Variants in ZFHX3 observed in about 807,000 individuals in gnomAD.
The protein encoded by ZFHX3 is zinc finger homeobox protein 3.
ZFHX3 carries 42 observed loss-of-function variants against 279.1 expected under a neutral mutation model. The observed-to-expected ratio is 0.15, with a 90% CI of 0.12 to 0.19. The LOEUF is 0.19. Ranked by LOEUF, ZFHX3 falls within the 10% of genes least tolerant of loss-of-function variation. ZFHX3 has a pLI of 1.00. For missense variants in ZFHX3, 4,981 were observed against 4,754.0 expected, an observed-to-expected ratio of 1.05 and a Z score of -1.40; for synonymous variants, 2,293 against 1,957.8, an observed-to-expected ratio of 1.17 and a Z score of -4.52.
At chr16:73,344,902 T>A (rs1175628438) in intron 3 of ZFHX3, among the ~76,000 whole-genome samples, 1 of 152,214 alleles carries the variant, frequency 6.6e-6, no homozygotes, top group East Asian at 1.9e-4. Flanking sequence ...CACAGATCTT[T>A]GAGAGTGGGC....
At chr16:73,105,384 C>CACACACACATATATATATATAT (rs1567389794) in intron 7 of ZFHX3, among the ~76,000 whole-genome samples, 1 of 43,134 alleles carries the variant, frequency 2.3e-5, no homozygotes, top group African/African-American at 6.3e-5. Flanking sequence ...TATATATATA[C>CACACACACATATATATATATAT]ACACACACAC....
At chr16:72,887,377 T>C (rs780411094) in intron 4 of ZFHX3, among the ~76,000 whole-genome samples, 5 of 152,124 alleles carry the variant, frequency 3.3e-5, no homozygotes, top group Non-Finnish European at 7.4e-5. Context: ...TACAAGAAGG[T>C]AAATGAAATT....
At chr16:73,416,829 G>C (rs8048406) in intron 3 of ZFHX3, among the ~76,000 whole-genome samples, 11,106 of 150,338 alleles carry the variant, frequency 0.074, 1,036 homozygotes, top group East Asian at 0.32. Context: ...AGCCGAGATC[G>C]CGCCACTGCA....
chr16:73,878,926 T>A (rs2030044545), intron 1 of ZFHX3, among the ~76,000 whole-genome samples: 2 of 135,702 alleles, frequency 1.5e-5, no homozygotes, highest in South Asian at 4.6e-4. Flanking sequence ...TCCTTCACTG[T>A]TCAAAAAAGA....
chr16:73,570,307 T>C (rs900051855), intron 2 of ZFHX3, among the ~76,000 whole-genome samples: 4 of 152,212 alleles, frequency 2.6e-5, no homozygotes, highest in African/African-American at 9.6e-5. Flanking sequence ...GCAACTTTCA[T>C]CTGAAGTTAA....
intron 1 of ZFHX3, among the ~76,000 whole-genome samples, chr16:73,861,078 C>T (rs945737212): frequency 3.9e-5 from 6 of 151,988 alleles, no homozygotes; most frequent in African/African-American, 1.4e-4. Flanking sequence ...ATTCGCCCAC[C>T]TCAGCCTCCT....
chr16:73,229,236 C>G (rs923092362), intron 5 of ZFHX3, among the ~76,000 whole-genome samples: 2 of 152,184 alleles, frequency 1.3e-5, no homozygotes, highest in African/African-American at 4.8e-5. Context: ...CTGTCTTAAA[C>G]AGAAATATGA....
intron 2 of ZFHX3, among the ~76,000 whole-genome samples, chr16:73,562,394 G>T (rs1198829785): frequency 1.3e-5 from 2 of 152,078 alleles, no homozygotes; most frequent in African/African-American, 4.8e-5. Context: ...AGGAGATCGA[G>T]ACCATCCTGG....
At chr16:73,526,198 G>A (rs2019691065) in intron 2 of ZFHX3, among the ~76,000 whole-genome samples, 1 of 152,232 alleles carries the variant, frequency 6.6e-6, no homozygotes, top group Non-Finnish European at 1.5e-5. Flanking sequence ...AGCACTCAGA[G>A]AAACAATTTA....
intron 5 of ZFHX3, among the ~76,000 whole-genome samples, chr16:73,231,158 G>A (rs990557200): frequency 6.6e-6 from 1 of 152,162 alleles, no homozygotes; most frequent in Non-Finnish European, 1.5e-5. Flanking sequence ...CTGAAATGAG[G>A]TACCACTCCC....
chr16:72,842,289 C>T (rs1487915322), intron 4 of ZFHX3, among the ~76,000 whole-genome samples: 1 of 152,020 alleles, frequency 6.6e-6, no homozygotes, highest in Admixed American at 6.6e-5. Context: ...ACCATCTCAG[C>T]TCACTGCAGC....
At chr16:73,810,798 C>CATT (rs1960406412) in intron 1 of ZFHX3, among the ~76,000 whole-genome samples, 1 of 152,192 alleles carries the variant, frequency 6.6e-6, no homozygotes, top group Non-Finnish European at 1.5e-5. Flanking sequence ...GTACATCACT[C>CATT]ACCATTCTGA....
At chr16:73,236,946 G>C (rs549465379) in intron 5 of ZFHX3, among the ~76,000 whole-genome samples, 1 of 152,112 alleles carries the variant, frequency 6.6e-6, no homozygotes, top group African/African-American at 2.4e-5. Context: ...CAGCAAGAAG[G>C]CTCCTCTTCT....
intron 2 of ZFHX3, among the ~76,000 whole-genome samples, chr16:73,472,758 T>C (rs1236806521): frequency 1.3e-5 from 2 of 152,150 alleles, no homozygotes; most frequent in African/African-American, 4.8e-5. Flanking sequence ...TGCCTCACCA[T>C]GGTTTGGGCA....
chr16:73,423,886 A>C (rs1180632578), intron 3 of ZFHX3, among the ~76,000 whole-genome samples: 5 of 150,760 alleles, frequency 3.3e-5, no homozygotes, highest in Non-Finnish European at 7.4e-5. Context: ...AAAGTGAGAG[A>C]GATCTAGAAA....
intron 1 of ZFHX3, among the ~76,000 whole-genome samples, chr16:73,867,087 A>G (rs890234173): frequency 6.6e-6 from 1 of 152,098 alleles, no homozygotes; most frequent in African/African-American, 2.4e-5. Context: ...GAGAGGCTGT[A>G]GACAGCCTGG....
At chr16:73,726,923 G>A (rs1012336541) in intron 1 of ZFHX3, among the ~76,000 whole-genome samples, 5 of 152,172 alleles carry the variant, frequency 3.3e-5, no homozygotes, top group Non-Finnish European at 4.4e-5. Context: ...ACACTAGCAC[G>A]TTGCCCTCCA....
At chr16:73,334,852 T>C (rs1169071520) in intron 3 of ZFHX3, among the ~76,000 whole-genome samples, 1 of 140,728 alleles carries the variant, frequency 7.1e-6, no homozygotes, top group Non-Finnish European at 1.5e-5. Flanking sequence ...ATGAATGCTT[T>C]CTGAATCTGC....
In ZFHX3 at chr16:73,278,221, C is replaced by T. The variant is rs149676353; in HGVS notation, c.-1193-21085G>A. Among the ~76,000 whole-genome samples the T allele has an allele frequency of 1.4e-4, 22 of 152,264 alleles. No individual in the cohort carries two copies. The East Asian group carries it at 4.2e-3, about 29-fold the overall frequency. On this transcript the variant is annotated intron_variant, in intron 4 of 17. Transcript: ENST00000641206. ...CAAACTAAATAATTATACTGATATT[C>T]TCCTAAGTTAAAATAAAGTTTTTGT...
Sources: gnomAD v4.1 joint callset for allele counts (sites outside exome capture counted in the v4.1 genomes callset) on GRCh38, gnomAD v4.1.1 for gene constraint, MANE v1.5 for transcripts, NCBI Gene and HGNC (gene_info 2026-07-23, HGNC 2026-07-21) for gene names.